Variants in EYS observed in about 807,000 individuals in gnomAD.
The protein encoded by EYS is EGF-like photoreceptor maintenance factor, also known as protein eyes shut homolog.
EYS carries 250 observed loss-of-function variants against 282.1 expected under a neutral mutation model. The ratio of observed to expected loss-of-function variants is 0.89; its 90% CI spans 0.80 to 0.98. The LOEUF (loss-of-function observed/expected upper bound fraction) is 0.98, where lower values mean the gene tolerates loss of function less well. EYS is among the 50% of genes least tolerant of loss of function. The pLI is 0.00. For synonymous variants in EYS, 1,355 were observed against 1,282.9 expected (o/e 1.06, Z -1.20); for missense variants, 4,016 against 3,709.0 (o/e 1.08, Z -2.15).
Position 64,185,348 on chromosome 6 carries a change from G to C in EYS, c.6424+45244C>G, listed in dbSNP as rs1053568076. 2.0e-5 allele frequency among the ~76,000 whole-genome samples: 3 copies of C among 147,032 alleles called. 1 individual carries two copies. In the South Asian group the frequency reaches 6.5e-4, roughly 32 times the overall value. ...TTAACTGAATAAAAAAGCTTTATCA[G>C]AAAGAAAAATACTGTATTCACTTGA... On this transcript the variant is annotated intron_variant, in intron 31 of 42. Coordinates refer to ENST00000503581, the MANE Select transcript of EYS (RefSeq NM_001142800.2).
At chr6:65,453,059 T>C (rs1333627325) in intron 5 of EYS, among the ~76,000 whole-genome samples, 1 of 152,186 alleles carries the variant, frequency 6.6e-6, no homozygotes, top group African/African-American at 2.4e-5. Flanking sequence ...TACTTGTTTG[T>C]TCATATTTTT....
chr6:64,973,932 A>C (rs1043706415), intron 14 of EYS, among the ~76,000 whole-genome samples: 2 of 151,934 alleles, frequency 1.3e-5, no homozygotes, highest in Non-Finnish European at 2.9e-5. Flanking sequence ...ACAGAAAGAT[A>C]ATTCATTTTT....
chr6:64,000,265 C>T (rs1256031977), intron 33 of EYS, among the ~76,000 whole-genome samples: 4 of 139,576 alleles, frequency 2.9e-5, no homozygotes, highest in Admixed American at 7.7e-5. Flanking sequence ...GATCTCGGCT[C>T]ACGGCAAGCT....
At chr6:63,798,942 T>A (rs1374559747) in intron 37 of EYS, among the ~76,000 whole-genome samples, 2 of 139,018 alleles carry the variant, frequency 1.4e-5, no homozygotes, top group East Asian at 2.0e-4. Flanking sequence ...TCTTCTAAAA[T>A]ATATATATAT....
intron 16 of EYS, among the ~76,000 whole-genome samples, chr6:64,911,078 G>A (rs1055777918): frequency 1.6e-4 from 25 of 151,926 alleles, no homozygotes; most frequent in East Asian, 1.2e-3. Context: ...AATATTCTAC[G>A]TAGTAGAATG....
chr6:64,298,027 TAAAC>T (rs1463397937), intron 30 of EYS, among the ~76,000 whole-genome samples: 1 of 142,176 alleles, frequency 7.0e-6, no homozygotes, highest in Non-Finnish European at 1.5e-5. Context: ...CATTCCCAGA[TAAAC>T]AAAAGCTAAG....
At chr6:64,137,616 G>A (rs1474561601) in intron 31 of EYS, among the ~76,000 whole-genome samples, 1 of 151,530 alleles carries the variant, frequency 6.6e-6, no homozygotes, top group African/African-American at 2.4e-5. Flanking sequence ...TAGGCCCAGA[G>A]AAAGAGAGAG....
At chr6:65,185,367 G>A (rs1309279950) in intron 12 of EYS, among the ~76,000 whole-genome samples, 2 of 151,740 alleles carry the variant, frequency 1.3e-5, no homozygotes, top group Non-Finnish European at 2.9e-5. Flanking sequence ...AATATCTATG[G>A]CAGCCATTGC....
At chr6:64,154,146 T>A (rs1774835190) in intron 31 of EYS, among the ~76,000 whole-genome samples, 1 of 152,056 alleles carries the variant, frequency 6.6e-6, no homozygotes, top group South Asian at 2.1e-4. Context: ...GAAAGAGGAT[T>A]TGAAAATTGC....
intron 12 of EYS, among the ~76,000 whole-genome samples, chr6:65,099,276 G>T (rs1490821139): frequency 6.6e-6 from 1 of 150,560 alleles, no homozygotes; most frequent in Non-Finnish European, 1.5e-5. Context: ...ATAATAAAGA[G>T]AGTGTCATCT....
chr6:64,183,198 A>G (rs1165994318), intron 31 of EYS, among the ~76,000 whole-genome samples: 13 of 152,108 alleles, frequency 8.5e-5, no homozygotes, highest in Admixed American at 8.5e-4. Flanking sequence ...CTATGATTGT[A>G]AGTTTCCTGA....
intron 12 of EYS, among the ~76,000 whole-genome samples, chr6:65,279,595 G>A (rs1768161061): frequency 6.6e-6 from 1 of 151,874 alleles, no homozygotes; most frequent in South Asian, 2.1e-4. Flanking sequence ...ATAGTTGCAT[G>A]TCTGACAAGC....
intron 36 of EYS, among the ~76,000 whole-genome samples, chr6:63,810,118 G>A (rs187029601): frequency 1.3e-5 from 2 of 150,636 alleles, no homozygotes; most frequent in African/African-American, 4.9e-5. Flanking sequence ...AAAATTAGCC[G>A]AGTGTGGTGG....
intron 19 of EYS, among the ~76,000 whole-genome samples, chr6:64,857,440 A>T (rs1381179424): frequency 6.6e-6 from 1 of 152,148 alleles, no homozygotes. Flanking sequence ...TCTCTTTTTA[A>T]AAAAAGGTTG....
At chr6:64,736,524 A>G (rs1482167260) in intron 22 of EYS, among the ~76,000 whole-genome samples, 1 of 152,136 alleles carries the variant, frequency 6.6e-6, no homozygotes, top group African/African-American at 2.4e-5. Flanking sequence ...TTTTTGCTAG[A>G]ATCATTACAG....
chr6:64,043,177 C>A (rs1211349062), intron 33 of EYS, among the ~76,000 whole-genome samples: 1 of 151,964 alleles, frequency 6.6e-6, no homozygotes, highest in East Asian at 1.9e-4. Context: ...GATAAAATAC[C>A]ATTTTCACCT....
chr6:65,443,599 TC>T (rs965683159), intron 5 of EYS, among the ~76,000 whole-genome samples: 1 of 151,446 alleles, frequency 6.6e-6, no homozygotes, highest in African/African-American at 2.4e-5. Flanking sequence ...TACATATACA[TC>T]ATATACACAT....
At chr6:64,456,847 T>C (rs1422921148) in intron 26 of EYS, among the ~76,000 whole-genome samples, 1 of 152,062 alleles carries the variant, frequency 6.6e-6, no homozygotes, top group African/African-American at 2.4e-5. Context: ...ACTGTTTAAT[T>C]GTTAAGGCTA....
At chr6:64,151,093 AATC>A (rs1295529933) in intron 31 of EYS, among the ~76,000 whole-genome samples, 1 of 151,720 alleles carries the variant, frequency 6.6e-6, no homozygotes, top group East Asian at 1.9e-4. Flanking sequence ...ATTTTTGTGT[AATC>A]ATATTCAAAC....
Sources: allele counts gnomAD v4.1 joint callset (sites outside exome capture counted in the v4.1 genomes callset), GRCh38; gene constraint gnomAD v4.1.1; transcripts MANE v1.5; gene names NCBI Gene and HGNC (gene_info 2026-07-23, HGNC 2026-07-21).